The following NPSR1 variants were observed in gnomAD, a reference collection of about 807,000 sequenced individuals.
NPSR1 encodes neuropeptide S receptor.
In NPSR1, 48 loss-of-function variants were observed where a neutral mutation model predicts 46.9. That is an observed-to-expected ratio of 1.02 (90% CI 0.81 to 1.30). The LOEUF (loss-of-function observed/expected upper bound fraction) is 1.30, where lower values mean the gene tolerates loss of function less well. Among genes scored for constraint, NPSR1 ranks in the 50% most tolerant of loss-of-function variants. The probability of loss-of-function intolerance (pLI) is 0.00; values close to 1 mark genes in which losing one functional copy is unlikely to be tolerated. For synonymous variants in NPSR1, 176 were observed against 168.1 expected, an observed-to-expected ratio of 1.05 and a Z score of -0.36; for missense variants, 450 against 449.5, an observed-to-expected ratio of 1.00 and a Z score of -0.01.
chr7:34,809,348 T>C (rs1007113437), intron 3 of NPSR1, among the ~76,000 whole-genome samples: 1 of 152,114 alleles, frequency 6.6e-6, no homozygotes, highest in Non-Finnish European at 1.5e-5. Flanking sequence ...TTTCTTTTTT[T>C]AAACCTTTTT....
At chr7:34,780,216 G>T (rs1354744533) in intron 3 of NPSR1, among the ~76,000 whole-genome samples, 4 of 152,266 alleles carry the variant, frequency 2.6e-5, no homozygotes, top group Non-Finnish European at 4.4e-5. Flanking sequence ...TATGGGAAAA[G>T]AAGAACCACA....
chr7:34,829,987 C>T (rs2128757539), intron 5 of NPSR1, among the ~76,000 whole-genome samples: 1 of 152,312 alleles, frequency 6.6e-6, no homozygotes, highest in South Asian at 2.1e-4. Context: ...ATCACCTTCC[C>T]TCTTTCGTGG....
intron 2 of NPSR1, among the ~76,000 whole-genome samples, chr7:34,738,954 C>T (rs1488666699): frequency 6.6e-6 from 1 of 152,128 alleles, no homozygotes; most frequent in Non-Finnish European, 1.5e-5. Context: ...TGAATTTGCC[C>T]ATTATGAATA....
chr7:34,789,227 C>T (rs1787606345), intron 3 of NPSR1, among the ~76,000 whole-genome samples: 2 of 151,710 alleles, frequency 1.3e-5, no homozygotes, highest in Non-Finnish European at 2.9e-5. Context: ...AATATTACAA[C>T]TTAAGTAACT....
rs148868837 is a variant in NPSR1, at chr7:34,836,956, A to G, written c.757+2496A>G. ...ATTTCTCCAATATAGTACATTAAGA[A>G]AAAGAAAGCAGTATGGTATCCCTTT... is the stretch of plus-strand genomic sequence containing the variant. On this transcript the variant is annotated intron_variant, in intron 6 of 8. Coordinates refer to ENST00000360581, the MANE Select transcript of NPSR1 (RefSeq NM_207172.2). 4.9e-4 allele frequency among the ~76,000 whole-genome samples: 75 copies of G among 152,308 alleles called. No individual in the cohort carries two copies. In the East Asian group the frequency reaches 0.013, roughly 27 times the overall value.
chr7:34,868,982 T>C (rs1316230943), intron 8 of NPSR1, among the ~76,000 whole-genome samples: 1 of 151,756 alleles, frequency 6.6e-6, no homozygotes, highest in Non-Finnish European at 1.5e-5. Context: ...CAACCACTCC[T>C]GAGGACCTGC....
intron 7 of NPSR1, 41 bp downstream of exon 7, chr7:34,845,023 G>T (rs563131781): frequency 5.6e-6 from 8 of 1,422,456 alleles, no homozygotes; most frequent in Non-Finnish European, 8.0e-6. Context: ...TGGTATGAAC[G>T]TCCCAAAAGC....
At chr7:34,660,981 C>G (rs117646260) in intron 1 of NPSR1, among the ~76,000 whole-genome samples, 2,039 of 152,306 alleles carry the variant, frequency 0.013, 23 homozygotes, top group Middle Eastern at 0.034. Flanking sequence ...TTACAGTCCT[C>G]AAGCTCCTTG....
intron 4 of NPSR1, among the ~76,000 whole-genome samples, chr7:34,813,730 C>T (rs1400468303): frequency 2.0e-5 from 3 of 152,196 alleles, no homozygotes; most frequent in Non-Finnish European, 4.4e-5. Flanking sequence ...TGACATTTGA[C>T]CTCACTTCTA....
intron 3 of NPSR1, among the ~76,000 whole-genome samples, chr7:34,783,272 A>G (rs1226318394): frequency 1.3e-5 from 2 of 152,166 alleles, no homozygotes; most frequent in African/African-American, 4.8e-5. Flanking sequence ...GGGAGGCCTC[A>G]GGAAACTTAT....
intron 8 of NPSR1, among the ~76,000 whole-genome samples, chr7:34,873,023 T>C (rs1417369200): frequency 6.6e-6 from 1 of 151,878 alleles, no homozygotes; most frequent in Non-Finnish European, 1.5e-5. Flanking sequence ...AAATTTCTAC[T>C]GCCAGATACC....
chr7:34,852,195 G>C (rs1790949911), downstream of NPSR1, among the ~76,000 whole-genome samples: 1 of 152,146 alleles, frequency 6.6e-6, no homozygotes, highest in Admixed American at 6.5e-5. Context: ...AGCTACTCAG[G>C]AGGCTGAGGC....
At chr7:34,681,989 C>G (rs1289230580) in intron 1 of NPSR1, among the ~76,000 whole-genome samples, 3 of 152,182 alleles carry the variant, frequency 2.0e-5, no homozygotes, top group African/African-American at 7.2e-5. Context: ...CTTGGGACAG[C>G]AGTTGACAAC....
chr7:34,768,864 CTGAG>C (rs1786548696), intron 2 of NPSR1, among the ~76,000 whole-genome samples: 1 of 152,066 alleles, frequency 6.6e-6, no homozygotes, highest in Non-Finnish European at 1.5e-5. Flanking sequence ...GATGCGGTGA[CTGAG>C]TATTGAGATG....
At chr7:34,689,622 AAAAAAAAAAAAAG>A in intron 2 of NPSR1, among the ~76,000 whole-genome samples, 2 of 145,262 alleles carry the variant, frequency 1.4e-5, no homozygotes, top group Non-Finnish European at 3.0e-5. Flanking sequence ...AAAAAAAAAA[AAAAAAAAAAAAAG>A]AAAAGAAAAG....
intron 2 of NPSR1, chr7:34,751,698 G>T: frequency 6.3e-7 from 1 of 1,587,582 alleles, no homozygotes; most frequent in East Asian, 2.2e-5. Context: ...ACAGGAAAGT[G>T]GGGAGCATTG....
intron 1 of NPSR1, among the ~76,000 whole-genome samples, chr7:34,664,476 G>C (rs538183974): frequency 2.0e-5 from 3 of 152,294 alleles, no homozygotes; most frequent in African/African-American, 7.2e-5. Flanking sequence ...GAGAGGTGAG[G>C]AGGCAGCATT....
At chr7:34,738,685 T>G (rs916210763) in intron 2 of NPSR1, among the ~76,000 whole-genome samples, 49 of 152,216 alleles carry the variant, frequency 3.2e-4, no homozygotes, top group Non-Finnish European at 1.0e-4. Context: ...TCCTTTCCTC[T>G]GATTTAAATT....
chr7:34,790,976 A>ATGTTATATTATATATGT, intron 3 of NPSR1, among the ~76,000 whole-genome samples: 1 of 117,132 alleles, frequency 8.5e-6, no homozygotes, highest in Non-Finnish European at 1.7e-5. Flanking sequence ...TATATATGTT[A>ATGTTATATTATATATGT]TATGTTATAT....
Sources: gnomAD v4.1 joint callset for allele counts (sites outside exome capture counted in the v4.1 genomes callset) on GRCh38, gnomAD v4.1.1 for gene constraint, MANE v1.5 for transcripts, NCBI Gene and HGNC (gene_info 2026-07-23, HGNC 2026-07-21) for gene names.